The following KCNC2 variants were observed in gnomAD, a reference collection of about 807,000 sequenced individuals.
The protein encoded by KCNC2 is potassium voltage-gated channel subfamily C member 2, also known as voltage-gated potassium channel KCNC2.
In KCNC2, 21 loss-of-function variants were observed where a neutral mutation model predicts 44.5. The observed-to-expected ratio is 0.47, with a 90% CI of 0.33 to 0.68. The LOEUF (loss-of-function observed/expected upper bound fraction) is 0.68. KCNC2 is among the 30% of genes least tolerant of loss of function. The pLI is 0.01. For synonymous variants in KCNC2, 391 were observed against 339.1 expected, an observed-to-expected ratio of 1.15 and a Z score of -1.68; for missense variants, 589 against 826.2, an observed-to-expected ratio of 0.71 and a Z score of 3.52.
intron 2 of KCNC2, among the ~76,000 whole-genome samples, chr12:75,058,192 A>G (rs1314175833): frequency 6.6e-6 from 1 of 151,942 alleles, no homozygotes; most frequent in Non-Finnish European, 1.5e-5. Flanking sequence ...GTTTTTTATA[A>G]TTGTTTCATT....
At chr12:75,115,838 C>T (rs908765076) in intron 2 of KCNC2, among the ~76,000 whole-genome samples, 5 of 151,968 alleles carry the variant, frequency 3.3e-5, no homozygotes, top group African/African-American at 9.7e-5. Context: ...GACACCCTCC[C>T]CCCAAAATAA....
intron 2 of KCNC2, among the ~76,000 whole-genome samples, chr12:75,088,126 T>C (rs1014988456): frequency 1.3e-5 from 2 of 151,986 alleles, no homozygotes; most frequent in Non-Finnish European, 2.9e-5. Context: ...GAAGTCGAGG[T>C]TTAAAAAACT....
At chr12:75,147,916 G>A (rs1477693186) in intron 2 of KCNC2, among the ~76,000 whole-genome samples, 1 of 152,094 alleles carries the variant, frequency 6.6e-6, no homozygotes, top group African/African-American at 2.4e-5. Context: ...AATATAAAAA[G>A]TATTATAGTC....
At chr12:75,139,216 A>T (rs1292851578) in intron 2 of KCNC2, among the ~76,000 whole-genome samples, 1 of 152,092 alleles carries the variant, frequency 6.6e-6, no homozygotes, top group Non-Finnish European at 1.5e-5. Context: ...TAACCAACTC[A>T]TTTCATTTCA....
At chr12:75,112,468 G>T (rs1210762908) in intron 2 of KCNC2, among the ~76,000 whole-genome samples, 1 of 151,770 alleles carries the variant, frequency 6.6e-6, no homozygotes, top group East Asian at 1.9e-4. Context: ...CACTTTCTGA[G>T]GTCTAGTCAC....
At chr12:75,133,368 A>T (rs1888990348) in intron 2 of KCNC2, among the ~76,000 whole-genome samples, 1 of 151,986 alleles carries the variant, frequency 6.6e-6, no homozygotes. Flanking sequence ...TGCTTGTAAC[A>T]ATGTATCACA....
intron 2 of KCNC2, among the ~76,000 whole-genome samples, chr12:75,075,439 G>A (rs951711547): frequency 4.2e-5 from 5 of 118,834 alleles, no homozygotes; most frequent in Admixed American, 9.5e-5. Flanking sequence ...CCAATTCTCA[G>A]GAGAGAAATA....
intron 2 of KCNC2, among the ~76,000 whole-genome samples, chr12:75,188,976 G>A (rs915047300): frequency 1.3e-5 from 2 of 152,126 alleles, no homozygotes; most frequent in African/African-American, 4.8e-5. Flanking sequence ...ATCCAGAAGG[G>A]TTTGTATTAG....
Position 75,041,657 on chromosome 12 carries a change from T to G in KCNC2, c.*1448A>C, listed in dbSNP as rs1009247494. 9.9e-7 allele frequency: 1 copy of G among 1,008,340 alleles called. No individual in the cohort carries two copies. Among genetic ancestry groups the G allele is most frequent in the African/African-American group, 1.7e-5 (1 of 57,878 alleles). 62.5% of individuals were successfully genotyped at this position (1,008,340 alleles called of 1,614,324 possible). On this transcript the variant is annotated 3_prime_UTR_variant, in exon 5 of 5. Transcript: ENST00000549446. The stretch of plus-strand genomic sequence containing the variant: ...CAGACTGAATATGACTCCCTAAGGA[T>G]TTTGTTGGAGTGTAGTAATGAATGC...
chr12:75,091,280 A>G (rs1316487357), intron 2 of KCNC2, among the ~76,000 whole-genome samples: 1 of 151,596 alleles, frequency 6.6e-6, no homozygotes, highest in Non-Finnish European at 1.5e-5. Context: ...TTATTCTTCA[A>G]CTTTTTCTTT....
intron 2 of KCNC2, among the ~76,000 whole-genome samples, chr12:75,082,190 G>C (rs1884575647): frequency 6.6e-6 from 1 of 151,772 alleles, no homozygotes; most frequent in African/African-American, 2.4e-5. Context: ...CTCCAATTTT[G>C]AGGAATAACA....
At chr12:75,043,643 C>G (rs1880167099) in intron 4 of KCNC2, 22 of 1,257,554 alleles carry the variant, frequency 1.7e-5, no homozygotes, top group Non-Finnish European at 2.2e-5. Flanking sequence ...TACTTTTTCT[C>G]TTTTCATTTT....
intron 2 of KCNC2, among the ~76,000 whole-genome samples, chr12:75,053,346 A>C (rs1005761366): frequency 6.6e-6 from 1 of 152,044 alleles, no homozygotes; most frequent in Non-Finnish European, 1.5e-5. Flanking sequence ...AATCTTCCTA[A>C]AGCCTTTATA....
intron 2 of KCNC2, among the ~76,000 whole-genome samples, chr12:75,159,732 C>T (rs529744610): frequency 1.9e-3 from 286 of 151,940 alleles, no homozygotes; most frequent in African/African-American, 6.7e-3. Context: ...TTCAAACCAC[C>T]ATTTCCTTCA....
intron 2 of KCNC2, among the ~76,000 whole-genome samples, chr12:75,161,247 G>A (rs1891105526): frequency 6.6e-6 from 1 of 151,570 alleles, no homozygotes; most frequent in Non-Finnish European, 1.5e-5. Context: ...GTAAACTAAA[G>A]TATTAAATCT....
At chr12:75,198,625 G>A (rs950797309) in intron 2 of KCNC2, among the ~76,000 whole-genome samples, 3 of 151,658 alleles carry the variant, frequency 2.0e-5, no homozygotes, top group Admixed American at 6.6e-5. Context: ...CATCAACATC[G>A]GTAAGGAAGT....
chr12:75,176,607 T>A (rs1315389929), intron 2 of KCNC2, among the ~76,000 whole-genome samples: 1 of 152,040 alleles, frequency 6.6e-6, no homozygotes, highest in Non-Finnish European at 1.5e-5. Context: ...TCTCTCCACC[T>A]GAAAATTCTC....
chr12:75,066,093 C>T lies in KCNC2; in HGVS notation c.688-14776G>A, dbSNP rs74108186. ...ATAGAAGTAGAATAATTCAAGAACACCTAAATTTATGATAGCAATATTTTT... is the reference window on the plus strand; with the variant it reads ...ATAGAAGTAGAATAATTCAAGAACATCTAAATTTATGATAGCAATATTTTT... On this transcript the variant is annotated intron_variant, in intron 2 of 4. Coordinates refer to ENST00000549446, the MANE Select transcript of KCNC2 (RefSeq NM_139137.4). Among the ~76,000 whole-genome samples the T allele has an allele frequency of 6.9e-3, 1,046 of 152,008 alleles. 17 individuals carry two copies. The highest frequency in any genetic ancestry group is 0.022 in the African/African-American group (928 of 41,450).
chr12:75,058,151 A>C (rs1881940244), intron 2 of KCNC2, among the ~76,000 whole-genome samples: 1 of 152,038 alleles, frequency 6.6e-6, no homozygotes, highest in South Asian at 2.1e-4. Context: ...GATGAAATTT[A>C]AAGTGTGTAA....
Sources: gnomAD v4.1 joint callset for allele counts (sites outside exome capture counted in the v4.1 genomes callset) on GRCh38, gnomAD v4.1.1 for gene constraint, MANE v1.5 for transcripts, NCBI Gene and HGNC (gene_info 2026-07-23, HGNC 2026-07-21) for gene names.